The following GAS7 variants were observed in gnomAD, a reference collection of about 807,000 sequenced individuals.
The protein encoded by GAS7 is growth arrest specific 7, also known as growth arrest-specific protein 7.
A neutral mutation model predicts 71.1 loss-of-function variants in GAS7; 28 were observed. That is an observed-to-expected ratio of 0.39 (90% CI 0.29 to 0.54). The LOEUF (loss-of-function observed/expected upper bound fraction) is 0.54. GAS7 is among the 20% of genes least tolerant of loss of function. The probability of loss-of-function intolerance (pLI) is 0.62; values close to 1 mark genes in which losing one functional copy is unlikely to be tolerated. For synonymous variants in GAS7, 258 were observed against 245.8 expected (o/e 1.05, Z -0.46); for missense variants, 436 against 627.8 (o/e 0.69, Z 3.27).
chr17:10,152,228 T>C lies in GAS7; in HGVS notation c.183+45980A>G, dbSNP rs547187873. 1.6e-4 allele frequency among the ~76,000 whole-genome samples: 24 copies of C among 152,184 alleles called. No homozygotes were observed. In the South Asian group the frequency reaches 4.1e-3, roughly 26 times the overall value. On this transcript the variant is annotated intron_variant, in intron 1 of 13. Transcript: ENST00000432992. The stretch of plus-strand genomic sequence containing the variant: ...CCAAAGTCACATGGCGGGGTGAGAA[T>C]AGGGAAGTTCCCCGAAAAGATGGGA...
chr17:10,031,489 C>A (rs939559013), intron 1 of GAS7, among the ~76,000 whole-genome samples: 1 of 152,176 alleles, frequency 6.6e-6, no homozygotes, highest in Non-Finnish European at 1.5e-5. Flanking sequence ...ATGAGTTGGA[C>A]GGCCCCTCCT....
chr17:10,174,640 T>C (rs9911262), intron 1 of GAS7, among the ~76,000 whole-genome samples: 75,803 of 150,792 alleles, frequency 0.5, 19,701 homozygotes, highest in East Asian at 0.67. Flanking sequence ...TGCAGTGAGC[T>C]GAGATCGCAC....
chr17:10,132,271 G>A (rs552935756), intron 1 of GAS7, among the ~76,000 whole-genome samples: 1 of 151,388 alleles, frequency 6.6e-6, no homozygotes, highest in Non-Finnish European at 1.5e-5. Flanking sequence ...AGATTTACCT[G>A]ATCTTTGCTC....
rs556329781 is a variant in GAS7 at position 9,966,578 on chromosome 17, A to G, written c.471+3099T>C. 2.0e-5 allele frequency among the ~76,000 whole-genome samples: 3 copies of G among 152,300 alleles called. No homozygotes were observed. The East Asian group carries it at 5.8e-4, about 29-fold the overall frequency. ...TCGTCTGCATGCTGGAGTGGGGTCT[A>G]TACCTGGGGACCCTTTGTTGGTAGA... On this transcript the variant is annotated intron_variant, in intron 4 of 13. Transcript: ENST00000432992.
At chr17:10,091,477 T>G (rs1156535898) in intron 1 of GAS7, among the ~76,000 whole-genome samples, 1 of 152,110 alleles carries the variant, frequency 6.6e-6, no homozygotes, top group Admixed American at 6.6e-5. Flanking sequence ...AACCTCCGCC[T>G]CCCAGGTTAA....
At chr17:10,001,628 T>A (rs2071272624) in intron 2 of GAS7, among the ~76,000 whole-genome samples, 2 of 152,078 alleles carry the variant, frequency 1.3e-5, no homozygotes, top group African/African-American at 2.4e-5. Flanking sequence ...GATGGGGGAA[T>A]TGCAATTTCA....
chr17:10,037,718 G>T (rs936708513), intron 1 of GAS7, among the ~76,000 whole-genome samples: 6 of 146,198 alleles, frequency 4.1e-5, no homozygotes, highest in Non-Finnish European at 7.5e-5. Context: ...TCAAAAGATT[G>T]CTGTGAGAGA....
At chr17:10,187,750 T>C (rs959238547) in intron 1 of GAS7, among the ~76,000 whole-genome samples, 2 of 152,170 alleles carry the variant, frequency 1.3e-5, no homozygotes, top group Admixed American at 1.3e-4. Context: ...GATTTGCTGT[T>C]ACTGAGGATA....
In GAS7 at chr17:10,130,401, C is replaced by T. The variant is rs910280187; in HGVS notation, c.183+67807G>A. On this transcript the variant is annotated intron_variant, in intron 1 of 13. Coordinates refer to ENST00000432992, the MANE Select transcript of GAS7 (RefSeq NM_201433.2). ...ATATGGAGGCATTGGAACCCTCATA[C>T]GATCCTGGTGGTACAGCAGCCTTGG... 4.0e-4 allele frequency among the ~76,000 whole-genome samples: 61 copies of T among 151,230 alleles called. 1 individual carries two copies. Among genetic ancestry groups the T allele is most frequent in the Middle Eastern group, 6.8e-3 (2 of 292 alleles).
intron 1 of GAS7, among the ~76,000 whole-genome samples, chr17:10,147,572 T>TAA: frequency 1.3e-5 from 2 of 152,296 alleles, no homozygotes; most frequent in South Asian, 4.1e-4. Context: ...TATTGCCTCT[T>TAA]ACAGCTCAAA....
intron 1 of GAS7, among the ~76,000 whole-genome samples, chr17:10,174,468 G>A (rs948824393): frequency 5.3e-5 from 8 of 152,260 alleles, no homozygotes; most frequent in South Asian, 2.1e-4. Flanking sequence ...CGAGACGGGC[G>A]GATCACGAGG....
chr17:10,110,643 T>C (rs1005259235), intron 1 of GAS7, among the ~76,000 whole-genome samples: 3 of 152,162 alleles, frequency 2.0e-5, no homozygotes, highest in Non-Finnish European at 4.4e-5. Flanking sequence ...GGCTGATTTT[T>C]GTATTTTTAG....
At position 9,981,872 on chromosome 17, in the gene GAS7, T is replaced by C. The variant is rs768000847; in HGVS notation, c.317A>G (p.Glu106Gly). 1 of 1,587,092 alleles carries C rather than the reference T, an allele frequency of 6.3e-7. No homozygotes were observed. ...VNTTTNETTW[E>G]RPSSSPGIPA... Reference sequence around the variant, plus strand: ...AATCCCAGGAGAACTGCTGGGACGTTCCCAGGTGGTCTCTGGTGAAAGAAG... The same window carrying C: ...AATCCCAGGAGAACTGCTGGGACGTCCCCAGGTGGTCTCTGGTGAAAGAAG... Residue 106 changes from glutamate to glycine, a missense_variant, in exon 3 of 14, where the codon GAA becomes GGA. Glu to Gly is a moderately conservative substitution (Grantham distance 98). Coordinates refer to ENST00000432992, the MANE Select transcript of GAS7 (RefSeq NM_201433.2). The surrounding 1 kb of genome is among the most constrained non-coding windows in gnomAD (Gnocchi z 4.4).
intron 1 of GAS7, among the ~76,000 whole-genome samples, chr17:10,041,531 C>T (rs1167262811): frequency 2.0e-5 from 3 of 152,230 alleles, no homozygotes; most frequent in African/African-American, 7.2e-5. Flanking sequence ...TGTGGCCTGA[C>T]CTCAGCAGAA....
chr17:10,141,654 C>T (rs892522075), intron 1 of GAS7, among the ~76,000 whole-genome samples: 2 of 152,134 alleles, frequency 1.3e-5, no homozygotes, highest in Admixed American at 1.3e-4. Context: ...GAATCACAGA[C>T]TCCAGGGCAC....
chr17:9,926,409 C>T lies in GAS7; in HGVS notation c.1014+232G>A, dbSNP rs1235583658. ...CCACTGCAGCTGCAGCCTCTCCTCG[C>T]ACCCCTGGCCCTCTGGGTGGTCATT... On this transcript the variant is annotated intron_variant, in intron 10 of 13. Coordinates refer to ENST00000432992, the MANE Select transcript of GAS7 (RefSeq NM_201433.2). This position sits in a 1 kb window ranked among gnomAD's most constrained non-coding sequence, Gnocchi z 5.0. Among the ~76,000 whole-genome samples the T allele has an allele frequency of 6.6e-6, 1 of 152,208 alleles. No individual in the cohort carries two copies. The highest frequency in any genetic ancestry group is 1.5e-5 in the Non-Finnish European group (1 of 68,030).
chr17:9,958,852 G>T, intron 5 of GAS7: 1 of 412,392 alleles, frequency 2.4e-6, no homozygotes, highest in Non-Finnish European at 3.7e-6. Context: ...ACCCTGCCGT[G>T]GCTGTAATTT....
chr17:10,049,561 T>C (rs2073031330), intron 1 of GAS7, among the ~76,000 whole-genome samples: 1 of 150,644 alleles, frequency 6.6e-6, no homozygotes, highest in Non-Finnish European at 1.5e-5. Context: ...TATTTAAAAA[T>C]ATTTTAAAAT....
In GAS7 at chr17:10,106,839, A is replaced by G. The variant is rs182739114; in HGVS notation, c.184-86942T>C. On this transcript the variant is annotated intron_variant, in intron 1 of 13. Coordinates refer to ENST00000432992, the MANE Select transcript of GAS7 (RefSeq NM_201433.2). ...CCAGAACCTGTGAATGTTACCTTAT[A>G]TGGCAAAAGGGACTTTGTAGGGCAT... Among the ~76,000 whole-genome samples the G allele has an allele frequency of 1.8e-3, 278 of 152,090 alleles. 1 individual carries two copies. The highest frequency in any genetic ancestry group is 6.5e-3 in the African/African-American group (272 of 41,534).
Sources: gnomAD v4.1 joint callset for allele counts (sites outside exome capture counted in the v4.1 genomes callset) on GRCh38, gnomAD v4.1.1 for gene constraint, Gnocchi (gnomAD v3.1) non-coding constraint, MANE v1.5 for transcripts, NCBI Gene and HGNC (gene_info 2026-07-23, HGNC 2026-07-21) for gene names.